The following CDH23 variants were observed in gnomAD, a reference collection of about 807,000 sequenced individuals.
CDH23 encodes cadherin related 23.
Under a neutral mutation model 317.1 loss-of-function variants are expected in CDH23, and 189 were observed. The observed-to-expected ratio is 0.60, with a 90% confidence interval of 0.53 to 0.67. CDH23 has a LOEUF of 0.67. Ranked by LOEUF, CDH23 falls within the 30% of genes least tolerant of loss-of-function variation. CDH23 has a pLI of 0.00. For missense variants in CDH23, 4,401 were observed against 4,592.4 expected (o/e 0.96, Z 1.20); for synonymous variants, 1,839 against 1,876.8 (o/e 0.98, Z 0.52).
At chr10:71,699,237 A>C (rs1212665134) in intron 22 of CDH23, among the ~76,000 whole-genome samples, 1 of 152,170 alleles carries the variant, frequency 6.6e-6, no homozygotes, top group Non-Finnish European at 1.5e-5. Context: ...TGAATATCTT[A>C]CCTTTCCTTT....
chr10:71,690,309 C>T lies in CDH23; in HGVS notation c.2060-159C>T, dbSNP rs111935958. On this transcript the variant is annotated intron_variant, in intron 19 of 69. Transcript: ENST00000224721. ...TGAGCCGCCCTTGTCCCAGGGATGT[C>T]GCAACAGGCAGGCCTCCCACCTCCC... 2.7e-3 allele frequency among the ~76,000 whole-genome samples: 417 copies of T among 152,292 alleles called. 2 individuals carry two copies. Among genetic ancestry groups the T allele is most frequent in the African/African-American group, 9.7e-3 (402 of 41,566 alleles).
chr10:71,731,631 A>G (rs1451570722), intron 31 of CDH23, among the ~76,000 whole-genome samples: 1 of 152,186 alleles, frequency 6.6e-6, no homozygotes, highest in African/African-American at 2.4e-5. Context: ...TCTAGATCAA[A>G]GCCTCCACTA....
At chr10:71,760,712 G>A (rs1180931230) in intron 38 of CDH23, 1 of 695,364 alleles carries the variant, frequency 1.4e-6, no homozygotes, top group Admixed American at 2.3e-5. Context: ...GCACCAAGGA[G>A]GAAGCAGAAG....
rs554932132 is a variant in CDH23, at chr10:71,413,856, A to G, written c.-6+16538A>G. Among the ~76,000 whole-genome samples, 164 of 152,278 alleles carry G rather than the reference A, an allele frequency of 1.1e-3. 1 individual carries two copies. The highest frequency in any genetic ancestry group is 3.8e-3 in the African/African-American group (159 of 41,568). On this transcript the variant is annotated intron_variant, in intron 1 of 69. Transcript: ENST00000224721. ...GCTTAGCAATATTTGTTAGTTTTCA[A>G]TGTACAAGTTGTTTGCTTCCTGGGT...
chr10:71,570,086 G>A (rs1046870386), intron 7 of CDH23, among the ~76,000 whole-genome samples: 27 of 152,014 alleles, frequency 1.8e-4, no homozygotes, highest in African/African-American at 6.3e-4. Context: ...CCAACTGACG[G>A]TTTAAATATT....
In CDH23 at chr10:71,570,390, C is replaced by T. The variant is rs183242510; in HGVS notation, c.625-400C>T. ...AGAGGGGTGGTGACCTCCAGCTGAA[C>T]TCAGCAAAGGAGCTGAGGGCAGCAC... On this transcript the variant is annotated intron_variant, in intron 7 of 69. Transcript: ENST00000224721. Among the ~76,000 whole-genome samples the T allele has an allele frequency of 3.9e-5, 6 of 152,296 alleles. No homozygotes were observed. In the East Asian group the frequency reaches 1.2e-3, roughly 29 times the overall value.
At chr10:71,526,348 G>A (rs1032633210) in intron 6 of CDH23, among the ~76,000 whole-genome samples, 1 of 152,240 alleles carries the variant, frequency 6.6e-6, no homozygotes, top group Non-Finnish European at 1.5e-5. Flanking sequence ...GGGCCCAGGA[G>A]GCAGGAAGAG....
chr10:71,450,931 C>A (rs1850409572), intron 3 of CDH23, among the ~76,000 whole-genome samples: 1 of 152,160 alleles, frequency 6.6e-6, no homozygotes, highest in Admixed American at 6.5e-5. Context: ...CTCTACTCAA[C>A]ATTTCTGCCT....
intron 38 of CDH23, among the ~76,000 whole-genome samples, chr10:71,759,936 T>TAG: frequency 1.9e-5 from 1 of 53,016 alleles, no homozygotes; most frequent in South Asian, 5.8e-4. Flanking sequence ...CACACATATA[T>TAG]ACACACACAC....
At chr10:71,733,905 A>T (rs1474436438) in intron 32 of CDH23, among the ~76,000 whole-genome samples, 1 of 152,256 alleles carries the variant, frequency 6.6e-6, no homozygotes, top group Non-Finnish European at 1.5e-5. Flanking sequence ...GACCCTTCTC[A>T]GTCCTCAAAG....
At chr10:71,673,983 G>A (rs923630793) in intron 14 of CDH23, among the ~76,000 whole-genome samples, 1 of 152,160 alleles carries the variant, frequency 6.6e-6, no homozygotes, top group Non-Finnish European at 1.5e-5. Flanking sequence ...GGCTGGGGTG[G>A]TGGCGGGGAC....
chr10:71,404,785 G>A (rs1848020424), intron 1 of CDH23, among the ~76,000 whole-genome samples: 1 of 152,240 alleles, frequency 6.6e-6, no homozygotes, highest in Admixed American at 6.5e-5. Context: ...TTTCTAGCCT[G>A]TGTCTTCCTG....
intron 14 of CDH23, among the ~76,000 whole-genome samples, chr10:71,671,958 T>C (rs569806359): frequency 6.6e-6 from 1 of 152,178 alleles, no homozygotes; most frequent in Non-Finnish European, 1.5e-5. Context: ...CGTACCTTTC[T>C]TGAGCTGCCT....
intron 47 of CDH23, among the ~76,000 whole-genome samples, chr10:71,792,920 A>G (rs1327994851): frequency 6.7e-6 from 1 of 148,204 alleles, no homozygotes; most frequent in Non-Finnish European, 1.5e-5. Context: ...ATTGACAGAA[A>G]AATGGACAAA....
chr10:71,704,195 C>T (rs1457430611), intron 24 of CDH23, among the ~76,000 whole-genome samples: 1 of 152,212 alleles, frequency 6.6e-6, no homozygotes, highest in Non-Finnish European at 1.5e-5. Context: ...TCTCCCAATC[C>T]TGAGAGTCTT....
chr10:71,692,438 G>A (rs1865219994), intron 20 of CDH23, among the ~76,000 whole-genome samples: 1 of 152,192 alleles, frequency 6.6e-6, no homozygotes, highest in African/African-American at 2.4e-5. Context: ...CCACAGAGGT[G>A]GCCTTAATTG....
chr10:71,604,643 C>T (rs537955531), intron 9 of CDH23, among the ~76,000 whole-genome samples: 3 of 152,346 alleles, frequency 2.0e-5, no homozygotes, highest in East Asian at 1.9e-4. Flanking sequence ...AAGCCATGGT[C>T]CCACCTCCAC....
At position 71,807,422 on chromosome 10, in the gene CDH23, G is replaced by A. The variant is rs746636390; in HGVS notation, c.8308+16G>A. 2 of 1,613,562 alleles carry A rather than the reference G, an allele frequency of 1.2e-6. No homozygotes were observed. The highest frequency in any genetic ancestry group is 1.3e-5 in the African/African-American group (1 of 74,924). On this transcript the variant is annotated intron_variant, in intron 58 of 69. Coordinates refer to ENST00000224721, the MANE Select transcript of CDH23 (RefSeq NM_022124.6). ...TTCATCGCAGGTGGGGCCAGACAGA[G>A]CTAGTGCCCTGATTACCCTGGGGCT...
At chr10:71,774,935 C>G (rs1038577016) in intron 38 of CDH23, among the ~76,000 whole-genome samples, 7 of 152,180 alleles carry the variant, frequency 4.6e-5, no homozygotes, top group Non-Finnish European at 1.5e-5. Flanking sequence ...AGCCCTTGCT[C>G]TAAGGGCAGG....
Sources: gnomAD v4.1 joint callset for allele counts (sites outside exome capture counted in the v4.1 genomes callset) on GRCh38, gnomAD v4.1.1 for gene constraint, MANE v1.5 for transcripts, NCBI Gene and HGNC (gene_info 2026-07-23, HGNC 2026-07-21) for gene names.